The following TAS2R1 variants were observed in gnomAD, a reference collection of about 807,000 sequenced individuals.
TAS2R1 encodes the protein taste 2 receptor member 1.
For missense variants in TAS2R1, 370 were observed against 353.4 expected (o/e 1.05, Z -0.38); for synonymous variants, 141 against 134.2 (o/e 1.05, Z -0.35).
At chr5:9,730,083 A>T in the TAS2R1 span, among the ~76,000 whole-genome samples, 3 of 152,236 alleles carry the variant, frequency 2.0e-5, no homozygotes, top group Non-Finnish European at 4.4e-5. Context: ...ACAACACACC[A>T]ACATAAAATC....
chr5:9,689,457 C>T (rs1312437901), intron 1 of TAS2R1, among the ~76,000 whole-genome samples: 7 of 152,152 alleles, frequency 4.6e-5, no homozygotes, highest in Admixed American at 4.6e-4. Context: ...GATGCTGATT[C>T]GTGCTCGGGA....
At chr5:9,893,642 T>G in the TAS2R1 span, among the ~76,000 whole-genome samples, 1 of 152,330 alleles carries the variant, frequency 6.6e-6, no homozygotes, top group East Asian at 1.9e-4. Flanking sequence ...TACAACAACG[T>G]AATCTCCTTC....
chr5:9,897,405 C>T, the TAS2R1 span, among the ~76,000 whole-genome samples: 15 of 152,272 alleles, frequency 9.9e-5, no homozygotes, highest in Non-Finnish European at 1.5e-4. Flanking sequence ...GCCGAGATCA[C>T]GCCGCTGCAC....
the TAS2R1 span, among the ~76,000 whole-genome samples, chr5:9,842,316 C>CTTTTTTTTTTT: frequency 3.7e-4 from 43 of 116,212 alleles, no homozygotes; most frequent in African/African-American, 1.3e-3. Context: ...TTCTTTCTCT[C>CTTTTTTTTTTT]TTTTTTTTTT....
the TAS2R1 span, among the ~76,000 whole-genome samples, chr5:9,791,806 C>T: frequency 6.6e-6 from 1 of 152,192 alleles, no homozygotes; most frequent in Non-Finnish European, 1.5e-5. Flanking sequence ...CCACATGACT[C>T]TGTTGTACAG....
At chr5:9,730,400 C>A in the TAS2R1 span, among the ~76,000 whole-genome samples, 3 of 152,174 alleles carry the variant, frequency 2.0e-5, no homozygotes, top group Non-Finnish European at 4.4e-5. Context: ...ACAAGACAAC[C>A]TTTTGGAAAT....
chr5:9,897,454 A>T, the TAS2R1 span, among the ~76,000 whole-genome samples: 1 of 152,300 alleles, frequency 6.6e-6, no homozygotes, highest in South Asian at 2.1e-4. Flanking sequence ...ATCTCAAAAA[A>T]CAAAAAAACA....
At chr5:9,883,453 A>T in the TAS2R1 span, 1 of 152,274 alleles carries the variant, frequency 6.6e-6, no homozygotes. Flanking sequence ...AATGAGGGGA[A>T]AACAAGATGA....
chr5:9,860,870 A>G, the TAS2R1 span, among the ~76,000 whole-genome samples: 1 of 152,086 alleles, frequency 6.6e-6, no homozygotes, highest in African/African-American at 2.4e-5. Context: ...AAAGGGACAC[A>G]GGTGGGGCCA....
At chr5:9,766,909 C>A in the TAS2R1 span, among the ~76,000 whole-genome samples, 2 of 152,156 alleles carry the variant, frequency 1.3e-5, no homozygotes, top group African/African-American at 4.8e-5. Flanking sequence ...CCTGGCTGCT[C>A]CTCACTTCCT....
the TAS2R1 span, among the ~76,000 whole-genome samples, chr5:9,879,243 A>G: frequency 1.3e-5 from 2 of 152,270 alleles, no homozygotes. Flanking sequence ...GAACAGTTAC[A>G]GTTCTGGGAT....
At chr5:9,740,900 A>G in the TAS2R1 span, among the ~76,000 whole-genome samples, 8 of 152,232 alleles carry the variant, frequency 5.3e-5, no homozygotes, top group Non-Finnish European at 8.8e-5. Context: ...AAGCACCATT[A>G]AACAAAAATC....
chr5:9,709,971 C>G (rs1453082223), intron 1 of TAS2R1, among the ~76,000 whole-genome samples: 2 of 152,264 alleles, frequency 1.3e-5, no homozygotes, highest in African/African-American at 2.4e-5. Flanking sequence ...CTACCACTTA[C>G]AGCAGAGGAC....
intron 1 of TAS2R1, among the ~76,000 whole-genome samples, chr5:9,665,744 G>C (rs755065719): frequency 1.3e-5 from 2 of 152,150 alleles, no homozygotes; most frequent in Non-Finnish European, 2.9e-5. Flanking sequence ...ACTCGAAAAG[G>C]GCTTGTTTAT....
the TAS2R1 span, among the ~76,000 whole-genome samples, chr5:9,735,358 T>C: frequency 6.6e-6 from 1 of 151,434 alleles, no homozygotes; most frequent in Non-Finnish European, 1.5e-5. Flanking sequence ...CTGAAAAAAA[T>C]TTATGAGTTT....
intron 1 of TAS2R1, among the ~76,000 whole-genome samples, chr5:9,690,622 A>G (rs1220247056): frequency 1.3e-5 from 2 of 152,042 alleles, no homozygotes; most frequent in Non-Finnish European, 2.9e-5. Flanking sequence ...AGGGGGGGAA[A>G]AAAGTGTGAC....
At chr5:9,657,418 C>T (rs1740436591) in intron 2 of TAS2R1, among the ~76,000 whole-genome samples, 1 of 152,118 alleles carries the variant, frequency 6.6e-6, no homozygotes, top group South Asian at 2.1e-4. Context: ...CTAAAAATAC[C>T]GAGCTCTGAT....
At chr5:9,654,888 C>A (rs182168662) in intron 2 of TAS2R1, among the ~76,000 whole-genome samples, 2 of 152,274 alleles carry the variant, frequency 1.3e-5, no homozygotes, top group Admixed American at 1.3e-4. Context: ...TGTGGTCCAG[C>A]AATTCTACTC....
intron 1 of TAS2R1, among the ~76,000 whole-genome samples, chr5:9,705,165 G>T (rs1479803811): frequency 6.6e-6 from 1 of 152,064 alleles, no homozygotes; most frequent in Non-Finnish European, 1.5e-5. Flanking sequence ...TCAGAAAATT[G>T]CGTGCAAGAC....
Sources: gnomAD v4.1 joint callset for allele counts (sites outside exome capture counted in the v4.1 genomes callset) on GRCh38, gnomAD v4.1.1 for gene constraint, MANE v1.5 for transcripts, NCBI Gene and HGNC (gene_info 2026-07-23, HGNC 2026-07-21) for gene names.